HYDIN: variants seen among roughly 807,000 people sequenced by gnomAD.
HYDIN encodes the protein HYDIN axonemal central pair apparatus protein, also known as axonemal central pair apparatus protein HYDIN.
In HYDIN, 132 loss-of-function variants were observed where a neutral mutation model predicts 403.9. The observed-to-expected ratio is 0.33, with a 90% CI of 0.28 to 0.38. HYDIN has a LOEUF of 0.38. Ranked by LOEUF, HYDIN falls within the 10% of genes least tolerant of loss-of-function variation. The pLI, the probability that HYDIN is intolerant of heterozygous loss-of-function variation, is 1.00. For missense variants in HYDIN, 2,827 were observed against 5,009.5 expected (o/e 0.56, Z 13.15); for synonymous variants, 1,202 against 1,891.7 (o/e 0.64, Z 9.46).
chr16:71,197,536 A>G (rs1158229614), intron 1 of HYDIN, among the ~76,000 whole-genome samples: 1 of 152,182 alleles, frequency 6.6e-6, no homozygotes, highest in Non-Finnish European at 1.5e-5. Context: ...CTTTTAAAAG[A>G]TTTTATTGTG....
At chr16:71,110,588 T>G (rs540031897) in intron 10 of HYDIN, among the ~76,000 whole-genome samples, 1 of 150,108 alleles carries the variant, frequency 6.7e-6, no homozygotes, top group Admixed American at 6.7e-5. Context: ...AAATTATACA[T>G]GAAAGCAAGG....
rs143399828 is a variant in HYDIN at position 71,138,900 on chromosome 16, A to G, written c.842-1548T>C. Among the ~76,000 whole-genome samples the G allele has an allele frequency of 8.4e-3, 1,276 of 152,224 alleles. 15 individuals carry two copies. Among genetic ancestry groups the G allele is most frequent in the African/African-American group, 0.029 (1,211 of 41,512 alleles). ...GGAGTTCAAGACCAGCCTCATCCAC[A>G]TGGAGAAACCCCATCTCTACTAAAA... On this transcript the variant is annotated intron_variant, in intron 7 of 85. Transcript: ENST00000393567.
chr16:70,956,004 G>A (rs538887670), intron 39 of HYDIN, among the ~76,000 whole-genome samples: 3 of 152,150 alleles, frequency 2.0e-5, no homozygotes, highest in Admixed American at 6.5e-5. Flanking sequence ...ATTTTTAGTA[G>A]AGATGGGGTT....
At chr16:71,110,203 A>G (rs149105121) in intron 10 of HYDIN, among the ~76,000 whole-genome samples, 1 of 147,582 alleles carries the variant, frequency 6.8e-6, no homozygotes, top group Admixed American at 6.8e-5. Context: ...TGCTAGCAGC[A>G]TAAGATATAC....
rs569856845 is a variant in HYDIN at position 70,962,193 on chromosome 16, G to A, written c.5789-55C>T. Reference sequence around the variant, plus strand: ...GGGGAAGAGTTGGGAGGGGGACAAGGGAGATGGAGGCAGAAAAGGAAAAAA... The same window carrying A: ...GGGGAAGAGTTGGGAGGGGGACAAGAGAGATGGAGGCAGAAAAGGAAAAAA... On this transcript the variant is annotated intron_variant, in intron 37 of 85. Transcript: ENST00000393567. 1.3e-3 allele frequency: 962 copies of A among 752,222 alleles called. 8 individuals are homozygous for A. The Middle Eastern group carries it at 0.033, about 26-fold the overall frequency. 46.6% of individuals were successfully genotyped at this position (752,222 alleles called of 1,614,324 possible).
chr16:71,117,472 ATAAC>A (rs2084085253), intron 9 of HYDIN, among the ~76,000 whole-genome samples: 2 of 152,122 alleles, frequency 1.3e-5, no homozygotes, highest in Non-Finnish European at 2.9e-5. Flanking sequence ...AACTCAGTAA[ATAAC>A]TGACTACTAT....
At chr16:70,954,806 T>C (rs1466994401) in intron 40 of HYDIN, among the ~76,000 whole-genome samples, 2 of 152,212 alleles carry the variant, frequency 1.3e-5, no homozygotes, top group Non-Finnish European at 2.9e-5. Context: ...CTCTTTTCCT[T>C]GAACATAAAA....
chr16:70,978,708 G>A (rs887260761), intron 30 of HYDIN, among the ~76,000 whole-genome samples: 11 of 152,174 alleles, frequency 7.2e-5, no homozygotes, highest in Non-Finnish European at 1.5e-4. Flanking sequence ...GCCTCTCCTA[G>A]CTTCCTGATT....
intron 1 of HYDIN, among the ~76,000 whole-genome samples, chr16:71,202,195 G>A (rs1283329191): frequency 6.6e-6 from 1 of 152,158 alleles, no homozygotes; most frequent in Non-Finnish European, 1.5e-5. Flanking sequence ...TGGAGAATTT[G>A]CTTCAACTAT....
intron 23 of HYDIN, among the ~76,000 whole-genome samples, chr16:71,001,894 A>G (rs1512624): frequency 1.1e-4 from 16 of 152,318 alleles, no homozygotes; most frequent in African/African-American, 3.4e-4. Context: ...ATTTTGTCCA[A>G]TCTGGTGGGT....
At chr16:70,961,643 C>A in intron 38 of HYDIN, among the ~76,000 whole-genome samples, 1 of 152,086 alleles carries the variant, frequency 6.6e-6, no homozygotes, top group Non-Finnish European at 1.5e-5. Context: ...TCCCCCATCC[C>A]CATAATGTTT....
intron 18 of HYDIN, among the ~76,000 whole-genome samples, chr16:71,053,845 T>C (rs1344498742): frequency 1.3e-5 from 2 of 152,276 alleles, no homozygotes; most frequent in Non-Finnish European, 2.9e-5. Context: ...TGTGTTAATT[T>C]TTGTATCAAG....
intron 58 of HYDIN, among the ~76,000 whole-genome samples, chr16:70,884,774 C>T (rs2041028338): frequency 6.6e-6 from 1 of 152,168 alleles, no homozygotes; most frequent in Non-Finnish European, 1.5e-5. Context: ...CGGCTCTTCT[C>T]TCTCCTGCTT....
At chr16:70,896,465 A>C (rs1475322639) in intron 53 of HYDIN, among the ~76,000 whole-genome samples, 5 of 151,990 alleles carry the variant, frequency 3.3e-5, no homozygotes, top group Non-Finnish European at 5.9e-5. Flanking sequence ...CCATCCTCCC[A>C]TCTCAGCCTC....
At chr16:71,029,636 G>A (rs1160032159) in intron 19 of HYDIN, among the ~76,000 whole-genome samples, 1 of 128,460 alleles carries the variant, frequency 7.8e-6, no homozygotes, top group Non-Finnish European at 1.6e-5. Context: ...CAATAGACAG[G>A]CAGAGAGGAC....
intron 73 of HYDIN, 66 bp downstream of exon 73, chr16:70,855,062 G>A (rs891739349): frequency 1.4e-6 from 1 of 728,774 alleles, no homozygotes; most frequent in African/African-American, 1.9e-5. Flanking sequence ...TGTAAGCACT[G>A]GCAGGCTTGG....
At chr16:70,969,634 C>T (rs1455309540) in intron 36 of HYDIN, among the ~76,000 whole-genome samples, 1 of 152,164 alleles carries the variant, frequency 6.6e-6, no homozygotes, top group African/African-American at 2.4e-5. Context: ...CTAAAGGTAG[C>T]TCTCTAAACA....
Position 70,908,384 on chromosome 16 carries a change from T to C in HYDIN, c.8264A>G (p.Gln2755Arg). 1 of 1,286,720 alleles carries C rather than the reference T, an allele frequency of 7.8e-7. No homozygotes were observed. The highest frequency in any genetic ancestry group is 1.1e-6 in the Non-Finnish European group (1 of 923,142). 79.7% of individuals were successfully genotyped at this position (1,286,720 alleles called of 1,614,324 possible). A position where few individuals can be genotyped will look rare whatever the true frequency, so the allele number is the denominator to read the frequency against. ...GAACTCATCAGAAGAGAAGTGCACC[T>C]GCAACGTTACCTCGCCATTGGCTGG... ...IVPANGEVTL[Q>R]VHFSSDEFGN... is the part of the protein sequence containing the mutation. The change falls in exon 49 of 86, where the codon CAG (glutamine) becomes CGG (arginine). Residue 2755 changes from glutamine to arginine, a missense_variant. Coordinates refer to ENST00000393567, the MANE Select transcript of HYDIN (RefSeq NM_001270974.2).
At chr16:70,944,459 G>A (rs2456141) in intron 41 of HYDIN, among the ~76,000 whole-genome samples, 71,924 of 151,990 alleles carry the variant, frequency 0.47, 20,089 homozygotes, top group Non-Finnish European at 0.64. Flanking sequence ...CATGTTACCC[G>A]GGTTACGTCA....
Sources: allele counts gnomAD v4.1 joint callset (sites outside exome capture counted in the v4.1 genomes callset), GRCh38; gene constraint gnomAD v4.1.1; transcripts MANE v1.5; gene names NCBI Gene and HGNC (gene_info 2026-07-23, HGNC 2026-07-21).